Variants in NRXN1 observed in about 807,000 individuals in gnomAD.
The protein encoded by NRXN1 is neurexin-1.
In NRXN1, 39 loss-of-function variants were observed where a neutral mutation model predicts 150.9. That is an observed-to-expected ratio of 0.26 (90% CI 0.20 to 0.34). The LOEUF is 0.34. Among genes scored for constraint, NRXN1 ranks in the 10% least tolerant of loss-of-function variants. The probability of loss-of-function intolerance (pLI) is 1.00; values close to 1 mark genes in which losing one functional copy is unlikely to be tolerated. For missense variants in NRXN1, 1,815 were observed against 1,949.9 expected, an observed-to-expected ratio of 0.93 and a Z score of 1.30; for synonymous variants, 924 against 757.0, an observed-to-expected ratio of 1.22 and a Z score of -3.62.
At chr2:50,388,456 T>C (rs1463685553) in intron 17 of NRXN1, among the ~76,000 whole-genome samples, 9 of 152,130 alleles carry the variant, frequency 5.9e-5, no homozygotes, top group Non-Finnish European at 2.9e-5. Flanking sequence ...GGCACTTTCA[T>C]AGCCACTTGG....
intron 2 of NRXN1, among the ~76,000 whole-genome samples, chr2:50,984,897 T>C (rs1272228904): frequency 3.9e-5 from 6 of 152,084 alleles, no homozygotes; most frequent in South Asian, 2.1e-4. Flanking sequence ...TCTCTGCAAA[T>C]ACTTTATAGA....
chr2:50,340,678 A>C, intron 17 of NRXN1, among the ~76,000 whole-genome samples: 1 of 152,184 alleles, frequency 6.6e-6, no homozygotes, highest in East Asian at 1.9e-4. Context: ...GAAACTTAGA[A>C]TTGGAAATGA....
At chr2:50,746,559 A>AAAC (rs77543976) in intron 5 of NRXN1, among the ~76,000 whole-genome samples, 10,099 of 149,114 alleles carry the variant, frequency 0.068, 369 homozygotes, top group African/African-American at 0.082. Flanking sequence ...CCCTGTCTCA[A>AAAC]AACAACAACA....
intron 8 of NRXN1, among the ~76,000 whole-genome samples, chr2:50,594,428 C>A (rs980639240): frequency 4.6e-5 from 7 of 152,034 alleles, no homozygotes; most frequent in African/African-American, 9.7e-5. Flanking sequence ...TGTCGGGGAA[C>A]CTTTAACACC....
intron 17 of NRXN1, among the ~76,000 whole-genome samples, chr2:50,295,214 T>G (rs2073421400): frequency 1.3e-5 from 2 of 152,244 alleles, no homozygotes; most frequent in African/African-American, 4.8e-5. Context: ...AACTTAAGTT[T>G]CAGTAAACTT....
intron 5 of NRXN1, among the ~76,000 whole-genome samples, chr2:50,903,541 CAGTG>C (rs1478599686): frequency 6.6e-6 from 1 of 152,076 alleles, no homozygotes; most frequent in Non-Finnish European, 1.5e-5. Context: ...CATGTGCTCT[CAGTG>C]TACCACAATA....
intron 2 of NRXN1, among the ~76,000 whole-genome samples, chr2:50,929,227 T>C (rs1182590680): frequency 6.6e-6 from 1 of 152,096 alleles, no homozygotes; most frequent in Admixed American, 6.6e-5. Context: ...TATACGGTTC[T>C]AGGAAAACAA....
At chr2:49,986,601 T>C (rs2152514503) in intron 21 of NRXN1, among the ~76,000 whole-genome samples, 1 of 152,316 alleles carries the variant, frequency 6.6e-6, no homozygotes, top group African/African-American at 2.4e-5. Flanking sequence ...GTTTTTTCTT[T>C]TTTTGTTGAC....
intron 5 of NRXN1, among the ~76,000 whole-genome samples, chr2:50,804,288 G>A (rs898930211): frequency 6.6e-6 from 1 of 152,086 alleles, no homozygotes; most frequent in Non-Finnish European, 1.5e-5. Context: ...AAGCAAAGGC[G>A]AGTTTAAAAT....
intron 2 of NRXN1, among the ~76,000 whole-genome samples, chr2:50,988,033 A>G (rs147048733): frequency 6.6e-6 from 1 of 152,122 alleles, no homozygotes; most frequent in Non-Finnish European, 1.5e-5. Context: ...TGCTATTGAA[A>G]TGTTCATACA....
chr2:50,661,656 T>C (rs1450308915), intron 5 of NRXN1, among the ~76,000 whole-genome samples: 1 of 152,058 alleles, frequency 6.6e-6, no homozygotes, highest in Non-Finnish European at 1.5e-5. Context: ...AGCATCAATA[T>C]ACCTTCATAA....
At chr2:50,496,463 C>T (rs1241570125) in intron 14 of NRXN1, among the ~76,000 whole-genome samples, 1 of 152,134 alleles carries the variant, frequency 6.6e-6, no homozygotes, top group African/African-American at 2.4e-5. Context: ...TGCTTTTCTC[C>T]TCTATCTCGA....
intron 17 of NRXN1, among the ~76,000 whole-genome samples, chr2:50,385,288 C>A (rs967376148): frequency 3.9e-5 from 6 of 152,082 alleles, no homozygotes; most frequent in Non-Finnish European, 8.8e-5. Flanking sequence ...CACTGTAGAG[C>A]CTAGACACTG....
chr2:50,904,787 T>C (rs959305623), intron 5 of NRXN1, among the ~76,000 whole-genome samples: 2 of 152,166 alleles, frequency 1.3e-5, no homozygotes, highest in African/African-American at 4.8e-5. Context: ...CTGAGAACCA[T>C]ATTCATATTT....
At chr2:50,379,177 A>G (rs2080758387) in intron 17 of NRXN1, among the ~76,000 whole-genome samples, 1 of 152,188 alleles carries the variant, frequency 6.6e-6, no homozygotes. Flanking sequence ...AGAAGATAAA[A>G]GAGATGAACA....
At chr2:50,486,623 G>C (rs1159986627) in intron 15 of NRXN1, among the ~76,000 whole-genome samples, 1 of 152,124 alleles carries the variant, frequency 6.6e-6, no homozygotes, top group African/African-American at 2.4e-5. Flanking sequence ...AGTGGTGAGA[G>C]GCCTAAGGAG....
chr2:50,783,689 A>G (rs1704665479), intron 5 of NRXN1, among the ~76,000 whole-genome samples: 1 of 152,154 alleles, frequency 6.6e-6, no homozygotes, highest in Non-Finnish European at 1.5e-5. Flanking sequence ...CTAGCTACAT[A>G]AAACACTTGG....
intron 5 of NRXN1, among the ~76,000 whole-genome samples, chr2:50,627,100 GC>G (rs1019293325): frequency 5.4e-4 from 82 of 151,868 alleles, no homozygotes; most frequent in African/African-American, 1.9e-3. Flanking sequence ...TCCACATTTT[GC>G]CAAGGCTACC....
chr2:50,968,091 C>T (rs932809509), intron 2 of NRXN1, among the ~76,000 whole-genome samples: 1 of 151,894 alleles, frequency 6.6e-6, no homozygotes, highest in East Asian at 1.9e-4. Flanking sequence ...ATAATAAATA[C>T]TTCTGATAGG....
Sources: allele counts gnomAD v4.1 joint callset (sites outside exome capture counted in the v4.1 genomes callset), GRCh38; gene constraint gnomAD v4.1.1; transcripts MANE v1.5; gene names NCBI Gene and HGNC (gene_info 2026-07-23, HGNC 2026-07-21).